The following PTPRD variants were observed in gnomAD, a reference collection of about 807,000 sequenced individuals.
PTPRD encodes the protein protein tyrosine phosphatase receptor type D.
Under a neutral mutation model 214.5 loss-of-function variants are expected in PTPRD, and 34 were observed. The observed-to-expected ratio is 0.16, with a 90% CI of 0.12 to 0.21. The LOEUF is 0.21. Among genes scored for constraint, PTPRD ranks in the 10% least tolerant of loss-of-function variants. The probability of loss-of-function intolerance (pLI) is 1.00; values close to 1 mark genes in which losing one functional copy is unlikely to be tolerated. For synonymous variants in PTPRD, 1,128 were observed against 845.7 expected, an observed-to-expected ratio of 1.33 and a Z score of -5.79; for missense variants, 2,545 against 2,398.7, an observed-to-expected ratio of 1.06 and a Z score of -1.27.
At chr9:9,138,987 T>C (rs1457144553) in intron 10 of PTPRD, among the ~76,000 whole-genome samples, 1 of 152,156 alleles carries the variant, frequency 6.6e-6, no homozygotes, top group Non-Finnish European at 1.5e-5. Flanking sequence ...GGTATTATAT[T>C]TACTTATTTA....
intron 12 of PTPRD, among the ~76,000 whole-genome samples, chr9:8,654,594 G>A (rs1017726396): frequency 2.6e-5 from 4 of 152,138 alleles, no homozygotes; most frequent in African/African-American, 9.7e-5. Context: ...ATGTAAGCCA[G>A]TGTAAAAAAG....
At position 9,044,644 on chromosome 9, in the gene PTPRD, G is replaced by T. The variant is rs114201917; in HGVS notation, c.-142-25909C>A. ...CTTTAGAGAAAGCACATCCTAACTT[G>T]GAATTTATCAGGACCTATCAAGTCA... On this transcript the variant is annotated intron_variant, in intron 10 of 45. Coordinates refer to ENST00000381196, the MANE Select transcript of PTPRD (RefSeq NM_002839.4). Among the ~76,000 whole-genome samples the T allele has an allele frequency of 3.7e-3, 559 of 152,272 alleles. 1 individual carries two copies. The highest frequency in any genetic ancestry group is 0.012 in the African/African-American group (500 of 41,544).
At chr9:8,924,516 A>C (rs1363199543) in intron 11 of PTPRD, among the ~76,000 whole-genome samples, 1 of 152,132 alleles carries the variant, frequency 6.6e-6, no homozygotes, top group African/African-American at 2.4e-5. Flanking sequence ...TTCTTGTAAC[A>C]ATCAGGGAAT....
At chr9:10,415,165 T>G (rs1189173617) in intron 2 of PTPRD, among the ~76,000 whole-genome samples, 1 of 151,984 alleles carries the variant, frequency 6.6e-6, no homozygotes, top group South Asian at 2.1e-4. Context: ...TAGCTTCTTC[T>G]TTTATAAACT....
At chr9:8,474,854 C>G (rs944382287) in intron 30 of PTPRD, among the ~76,000 whole-genome samples, 1 of 152,068 alleles carries the variant, frequency 6.6e-6, no homozygotes, top group Non-Finnish European at 1.5e-5. Flanking sequence ...AAGGGCTGGC[C>G]CTACTTTTGA....
intron 10 of PTPRD, among the ~76,000 whole-genome samples, chr9:9,054,120 G>A (rs975234806): frequency 1.3e-5 from 2 of 152,114 alleles, no homozygotes; most frequent in African/African-American, 4.8e-5. Flanking sequence ...ATTGTGTGAA[G>A]CATTTGCCTG....
Position 9,159,705 on chromosome 9 carries a change from C to T in PTPRD, c.-143+23599G>A, listed in dbSNP as rs2099884704. 6.6e-5 allele frequency among the ~76,000 whole-genome samples: 10 copies of T among 152,172 alleles called. No homozygotes were observed. The South Asian group carries it at 2.1e-3, about 32-fold the overall frequency. ...CATTTTTCACAGAGATAAAAAACCT[C>T]CGAAATCCTTAAATTCGTATGGAAC... On this transcript the variant is annotated intron_variant, in intron 10 of 45. Coordinates refer to ENST00000381196, the MANE Select transcript of PTPRD (RefSeq NM_002839.4).
chr9:8,677,781 G>A (rs928681246), intron 12 of PTPRD, among the ~76,000 whole-genome samples: 21 of 152,254 alleles, frequency 1.4e-4, no homozygotes, highest in African/African-American at 5.1e-4. Flanking sequence ...ACAATCTGTA[G>A]TACTCCCTAA....
chr9:8,620,374 A>C (rs2095781498), intron 14 of PTPRD, among the ~76,000 whole-genome samples: 1 of 152,090 alleles, frequency 6.6e-6, no homozygotes, highest in Non-Finnish European at 1.5e-5. Context: ...CATGCCGCTC[A>C]TGGAGAATCA....
At chr9:10,464,681 TATAAA>T (rs1270742715) in intron 2 of PTPRD, among the ~76,000 whole-genome samples, 3 of 151,890 alleles carry the variant, frequency 2.0e-5, no homozygotes, top group African/African-American at 7.3e-5. Context: ...AATCCAATCT[TATAAA>T]ATAAAAATTA....
chr9:10,423,522 A>G (rs934701618), intron 2 of PTPRD, among the ~76,000 whole-genome samples: 4 of 151,984 alleles, frequency 2.6e-5, no homozygotes, highest in Non-Finnish European at 5.9e-5. Context: ...ATCTCTACAC[A>G]AAGATATGCT....
At chr9:9,342,897 T>C (rs957461937) in intron 9 of PTPRD, among the ~76,000 whole-genome samples, 2 of 151,944 alleles carry the variant, frequency 1.3e-5, no homozygotes, top group African/African-American at 4.8e-5. Flanking sequence ...GTGTGTGATG[T>C]TCTCCTCCCT....
intron 14 of PTPRD, among the ~76,000 whole-genome samples, chr9:8,577,556 AC>A (rs1247470175): frequency 6.6e-6 from 1 of 152,096 alleles, no homozygotes; most frequent in East Asian, 1.9e-4. Context: ...TGCCCAGCCT[AC>A]CTTTAACTCT....
chr9:9,239,155 T>C (rs962610966), intron 9 of PTPRD, among the ~76,000 whole-genome samples: 3 of 150,680 alleles, frequency 2.0e-5, no homozygotes, highest in East Asian at 2.0e-4. Flanking sequence ...ACTAGAACTA[T>C]AGATACCTTT....
At chr9:10,134,193 C>T (rs1013622743) in intron 3 of PTPRD, among the ~76,000 whole-genome samples, 3 of 152,122 alleles carry the variant, frequency 2.0e-5, no homozygotes, top group Non-Finnish European at 2.9e-5. Context: ...CTGACTCTGC[C>T]AAGCAAAGAG....
chr9:8,475,023 GAACAA>G, intron 30 of PTPRD, among the ~76,000 whole-genome samples: 1 of 152,166 alleles, frequency 6.6e-6, no homozygotes, highest in African/African-American at 2.4e-5. Flanking sequence ...GTCATATAGA[GAACAA>G]AACAAACCAC....
rs150390083 is a variant in PTPRD at position 8,484,023 on chromosome 9, G to A, written c.3413+96C>T. 7.3e-3 allele frequency: 10,576 copies of A among 1,440,878 alleles called. 56 individuals are homozygous for A. The highest frequency in any genetic ancestry group is 0.026 in the Middle Eastern group (102 of 3,960). The allele number at this position is 1,440,878 out of a possible 1,614,324, so 89.3% of individuals were successfully genotyped here. On this transcript the variant is annotated intron_variant, in intron 30 of 45. Coordinates refer to ENST00000381196, the MANE Select transcript of PTPRD (RefSeq NM_002839.4). ...GCAGAAGAATCTTTCACTACATTAA[G>A]CAGTATCTTCTTTTACGACCTCTAT...
At chr9:10,118,951 T>C (rs537472326) in intron 3 of PTPRD, among the ~76,000 whole-genome samples, 79 of 151,610 alleles carry the variant, frequency 5.2e-4, no homozygotes, top group African/African-American at 1.5e-3. Flanking sequence ...AAGAGATACA[T>C]AGAATAAAAA....
intron 43 of PTPRD, 65 bp downstream of exon 43, chr9:8,338,857 G>GAGAGAGAGAGAGAGAC: frequency 6.7e-7 from 1 of 1,497,080 alleles, no homozygotes; most frequent in Non-Finnish European, 9.1e-7. Flanking sequence ...CAGAGAGAGA[G>GAGAGAGAGAGAGAGAC]AGAGAGAGGT....
Sources: allele counts gnomAD v4.1 joint callset (sites outside exome capture counted in the v4.1 genomes callset), GRCh38; gene constraint gnomAD v4.1.1; transcripts MANE v1.5; gene names NCBI Gene and HGNC (gene_info 2026-07-23, HGNC 2026-07-21).